KIAA0232: variants seen among roughly 807,000 people sequenced by gnomAD.
KIAA0232 encodes KIAA0232.
Under a neutral mutation model 122.0 loss-of-function variants are expected in KIAA0232, and 27 were observed. The observed-to-expected ratio is 0.22, with a 90% confidence interval of 0.16 to 0.31. The LOEUF (loss-of-function observed/expected upper bound fraction) is 0.31, where lower values mean the gene tolerates loss of function less well. KIAA0232 is among the 10% of genes least tolerant of loss of function. The pLI is 1.00. For synonymous variants in KIAA0232, 613 were observed against 587.6 expected, an observed-to-expected ratio of 1.04 and a Z score of -0.63; for missense variants, 1,551 against 1,634.2, an observed-to-expected ratio of 0.95 and a Z score of 0.88.
intron 2 of KIAA0232, among the ~76,000 whole-genome samples, chr4:6,809,704 C>G (rs1041934469): frequency 2.6e-5 from 4 of 152,078 alleles, no homozygotes; most frequent in African/African-American, 4.8e-5. Flanking sequence ...CAAAAAACCT[C>G]CTAGATTTAA....
intron 1 of KIAA0232, among the ~76,000 whole-genome samples, chr4:6,799,539 C>T (rs909283186): frequency 1.3e-5 from 2 of 151,922 alleles, no homozygotes; most frequent in Non-Finnish European, 2.9e-5. Flanking sequence ...ATAAAATTCA[C>T]GTCTACTAGA....
chr4:6,873,702 A>G (rs1035392314), intron 8 of KIAA0232, among the ~76,000 whole-genome samples: 3 of 152,142 alleles, frequency 2.0e-5, no homozygotes, highest in Non-Finnish European at 4.4e-5. Context: ...TGGTGTTTGT[A>G]CATAATATTT....
chr4:6,852,314 T>G (rs1720333033), intron 4 of KIAA0232, among the ~76,000 whole-genome samples: 1 of 152,220 alleles, frequency 6.6e-6, no homozygotes, highest in Non-Finnish European at 1.5e-5. Context: ...AGGCATGAGT[T>G]TGTGACCCCT....
chr4:6,783,892 T>C (rs1041988875), intron 1 of KIAA0232, among the ~76,000 whole-genome samples: 2 of 152,192 alleles, frequency 1.3e-5, no homozygotes, highest in Non-Finnish European at 2.9e-5. Flanking sequence ...TCTAGAGCTC[T>C]CTGCTTCTTC....
intron 4 of KIAA0232, among the ~76,000 whole-genome samples, chr4:6,843,750 A>G (rs1374985640): frequency 6.6e-6 from 1 of 151,914 alleles, no homozygotes; most frequent in Non-Finnish European, 1.5e-5. Flanking sequence ...AACCTGGGCG[A>G]CAGAGGGAGA....
intron 9 of KIAA0232, among the ~76,000 whole-genome samples, chr4:6,878,897 C>A (rs1256282395): frequency 2.6e-5 from 4 of 152,202 alleles, no homozygotes; most frequent in Non-Finnish European, 5.9e-5. Flanking sequence ...CGGCTCCACA[C>A]ATGAAGGCAG....
chr4:6,875,461 C>T (rs1057016680), intron 8 of KIAA0232, among the ~76,000 whole-genome samples: 5 of 152,334 alleles, frequency 3.3e-5, no homozygotes, highest in East Asian at 3.9e-4. Flanking sequence ...TTCTTGGAGC[C>T]GTCAGAGAGA....
intron 8 of KIAA0232, among the ~76,000 whole-genome samples, chr4:6,873,948 T>C (rs1022489790): frequency 4.6e-5 from 7 of 152,208 alleles, no homozygotes; most frequent in Non-Finnish European, 1.0e-4. Context: ...GGACTCCTAA[T>C]GCTTCTAATA....
chr4:6,789,052 A>G (rs1003966573), intron 1 of KIAA0232, among the ~76,000 whole-genome samples: 5 of 151,306 alleles, frequency 3.3e-5, no homozygotes, highest in East Asian at 3.9e-4. Context: ...CTCACTGCCA[A>G]CTCCACCTCC....
At chr4:6,817,282 C>T (rs546707529) in intron 2 of KIAA0232, among the ~76,000 whole-genome samples, 4 of 152,098 alleles carry the variant, frequency 2.6e-5, no homozygotes, top group Non-Finnish European at 4.4e-5. Flanking sequence ...GGCATGATCT[C>T]GACTCGCTGC....
intron 3 of KIAA0232, among the ~76,000 whole-genome samples, chr4:6,829,199 G>A (rs1028132909): frequency 6.6e-6 from 1 of 152,086 alleles, no homozygotes; most frequent in South Asian, 2.1e-4. Context: ...TATGGTAGTA[G>A]CATTGCATAA....
intron 9 of KIAA0232, among the ~76,000 whole-genome samples, 155 bp from the exon 10 acceptor site, chr4:6,880,632 C>T (rs539145549): frequency 6.6e-6 from 1 of 152,184 alleles, no homozygotes; most frequent in Non-Finnish European, 1.5e-5. Context: ...AGAAGAGAGG[C>T]GGTTTTGCTC....
At position 6,861,500 on chromosome 4, in the gene KIAA0232, T is replaced by C. The variant is rs918629283; in HGVS notation, c.1118T>C (p.Ile373Thr). Residue 373 changes from isoleucine to threonine, a missense_variant, in exon 7 of 10, where the codon ATA (isoleucine) becomes ACA (threonine). Coordinates refer to ENST00000307659, the MANE Select transcript of KIAA0232 (RefSeq NM_014743.3). ...CKRGKRPLKE[I>T]GRKDPGSTEG... ...CGGGGTAAGAGACCTTTAAAAGAAA[T>C]AGGGAGAAAAGATCCTGGGAGCACT... The C allele has an allele frequency of 3.1e-6, 5 of 1,613,656 alleles. No individual in the cohort carries two copies. The highest frequency in any genetic ancestry group is 1.3e-5 in the African/African-American group (1 of 74,798).
In KIAA0232 at chr4:6,793,343, G is replaced by A. The variant is rs578027932; in HGVS notation, c.-354+10502G>A. Among the ~76,000 whole-genome samples the A allele has an allele frequency of 2.2e-4, 34 of 152,258 alleles. No individual in the cohort carries two copies. The Middle Eastern group carries it at 0.014, about 61-fold the overall frequency. On this transcript the variant is annotated intron_variant, in intron 1 of 9. Coordinates refer to ENST00000307659, the MANE Select transcript of KIAA0232 (RefSeq NM_014743.3). ...CCTGAAAAACTCCATAATGGATCACGAATGCTACAGACTTTCAGAACATAG... is the reference window on the plus strand; with the variant it reads ...CCTGAAAAACTCCATAATGGATCACAAATGCTACAGACTTTCAGAACATAG...
At chr4:6,843,729 C>G (rs111977117) in intron 4 of KIAA0232, among the ~76,000 whole-genome samples, 3 of 151,792 alleles carry the variant, frequency 2.0e-5, no homozygotes, top group African/African-American at 7.3e-5. Flanking sequence ...AGGATCATGC[C>G]GCCGCACTCC....
In KIAA0232 at chr4:6,785,752, T is replaced by TA. The variant is rs147029251; in HGVS notation, c.-354+2912dup. ...TGGTTTGGAGCTTAGAATTCAGAGATACCAGCATCACAATGCAGGCCCCTT... is the reference window on the plus strand; with the variant it reads ...TGGTTTGGAGCTTAGAATTCAGAGATAACCAGCATCACAATGCAGGCCCCTT... On this transcript the variant is annotated intron_variant, in intron 1 of 9. Transcript: ENST00000307659. Among the ~76,000 whole-genome samples the TA allele has an allele frequency of 5.4e-3, 816 of 152,330 alleles. 2 individuals are homozygous for TA. Among genetic ancestry groups the TA allele is most frequent in the African/African-American group, 0.018 (765 of 41,568 alleles).
At chr4:6,827,536 C>CT (rs1347264829) in intron 3 of KIAA0232, among the ~76,000 whole-genome samples, 1 of 152,240 alleles carries the variant, frequency 6.6e-6, no homozygotes, top group South Asian at 2.1e-4. Context: ...TTCCTCACAT[C>CT]TTCGCTCACC....
intron 1 of KIAA0232, among the ~76,000 whole-genome samples, chr4:6,790,392 CT>C (rs10532360): frequency 0.011 from 1,174 of 109,316 alleles, 1 homozygote; most frequent in Non-Finnish European, 0.014. Flanking sequence ...TAAAAAAGGT[CT>C]TTTTTTTTTT....
chr4:6,849,383 A>C (rs1720145982), intron 4 of KIAA0232, among the ~76,000 whole-genome samples: 1 of 152,214 alleles, frequency 6.6e-6, no homozygotes, highest in Admixed American at 6.5e-5. Flanking sequence ...GCACTTTGGG[A>C]GGCAGGCAGG....
Sources: gnomAD v4.1 joint callset for allele counts (sites outside exome capture counted in the v4.1 genomes callset) on GRCh38, gnomAD v4.1.1 for gene constraint, MANE v1.5 for transcripts, NCBI Gene and HGNC (gene_info 2026-07-23, HGNC 2026-07-21) for gene names.